The following ARPP21 variants were observed in gnomAD, a reference collection of about 807,000 sequenced individuals.
The protein encoded by ARPP21 is cAMP-regulated phosphoprotein 21.
ARPP21 carries 69 observed loss-of-function variants against 113.2 expected under a neutral mutation model. The ratio of observed to expected loss-of-function variants is 0.61; its 90% CI spans 0.50 to 0.74. ARPP21 has a LOEUF of 0.74. ARPP21 is among the 30% of genes least tolerant of loss of function. ARPP21 has a pLI of 0.00. For missense variants in ARPP21, 1,070 were observed against 1,037.4 expected (o/e 1.03, Z -0.43); for synonymous variants, 368 against 375.5 (o/e 0.98, Z 0.23).
chr3:35,771,382 G>A (rs933143575), intron 19 of ARPP21, among the ~76,000 whole-genome samples: 4 of 151,846 alleles, frequency 2.6e-5, no homozygotes, highest in Non-Finnish European at 4.4e-5. Flanking sequence ...AGGCTGGAGT[G>A]CAGTGGCATG....
chr3:35,758,539 G>T (rs1378140447), intron 19 of ARPP21, among the ~76,000 whole-genome samples: 7 of 151,630 alleles, frequency 4.6e-5, no homozygotes, highest in Non-Finnish European at 8.8e-5. Flanking sequence ...CTCTGAATAT[G>T]CTACACAAAG....
At chr3:35,644,094 A>G (rs1305013739) in intron 1 of ARPP21, among the ~76,000 whole-genome samples, 1 of 151,928 alleles carries the variant, frequency 6.6e-6, no homozygotes, top group Non-Finnish European at 1.5e-5. Context: ...ATGATAAATG[A>G]ATTTCAAGCA....
intron 19 of ARPP21, among the ~76,000 whole-genome samples, chr3:35,760,696 C>T (rs1454623677): frequency 6.6e-6 from 1 of 152,046 alleles, no homozygotes; most frequent in East Asian, 1.9e-4. Flanking sequence ...AATTAAGCAG[C>T]CCATCATGGC....
intron 18 of ARPP21, 131 bp downstream of exon 18, chr3:35,739,708 A>C: frequency 2.4e-6 from 3 of 1,225,052 alleles, no homozygotes; most frequent in Non-Finnish European, 2.2e-6. Flanking sequence ...TTCCTCACCA[A>C]CAGGAAGTAG....
intron 5 of ARPP21, among the ~76,000 whole-genome samples, chr3:35,687,469 G>T (rs1477503277): frequency 6.6e-6 from 1 of 150,782 alleles, no homozygotes; most frequent in Non-Finnish European, 1.5e-5. Flanking sequence ...AATAAGTATT[G>T]TGATCTACAG....
intron 1 of ARPP21, among the ~76,000 whole-genome samples, chr3:35,667,839 TCAA>T (rs199541286): frequency 0.21 from 10,010 of 48,244 alleles, 1,022 homozygotes; most frequent in East Asian, 0.46. Context: ...ACTTTTATTC[TCAA>T]AGAAGAAGAA....
chr3:35,735,595 A>G (rs2094300383), intron 15 of ARPP21, among the ~76,000 whole-genome samples: 1 of 152,218 alleles, frequency 6.6e-6, no homozygotes, highest in South Asian at 2.1e-4. Flanking sequence ...ATGCTTTAGA[A>G]CATGTGCTAG....
At chr3:35,685,842 G>T (rs982437736) in intron 5 of ARPP21, 2 of 767,282 alleles carry the variant, frequency 2.6e-6, no homozygotes, top group Non-Finnish European at 3.2e-6. Context: ...TTATTATTGA[G>T]CATATCAATA....
intron 19 of ARPP21, among the ~76,000 whole-genome samples, chr3:35,746,177 C>T (rs780348154): frequency 6.6e-6 from 1 of 152,194 alleles, no homozygotes; most frequent in Non-Finnish European, 1.5e-5. Flanking sequence ...AAAATCCCAA[C>T]ACAGTTTCCA....
intron 19 of ARPP21, among the ~76,000 whole-genome samples, chr3:35,776,962 C>G (rs1411017935): frequency 6.6e-6 from 1 of 152,098 alleles, no homozygotes; most frequent in African/African-American, 2.4e-5. Context: ...ACTTTTGCTA[C>G]TAGGGATTAA....
chr3:35,788,350 T>C (rs1178584044), intron 19 of ARPP21, among the ~76,000 whole-genome samples: 1 of 152,224 alleles, frequency 6.6e-6, no homozygotes, highest in Non-Finnish European at 1.5e-5. Context: ...ATTCGTATCT[T>C]GTCTTCAAGA....
chr3:35,670,671 C>T (rs1027234219), intron 1 of ARPP21, among the ~76,000 whole-genome samples: 2 of 152,024 alleles, frequency 1.3e-5, no homozygotes, highest in African/African-American at 2.4e-5. Flanking sequence ...CAAACACACG[C>T]CAATTCAGAT....
At chr3:35,735,636 T>A (rs2150642653) in intron 15 of ARPP21, among the ~76,000 whole-genome samples, 1 of 152,294 alleles carries the variant, frequency 6.6e-6, no homozygotes, top group African/African-American at 2.4e-5. Flanking sequence ...CTCCACCATC[T>A]CCCTTATGCC....
chr3:35,787,487 A>C (rs2096657033), intron 19 of ARPP21, among the ~76,000 whole-genome samples: 1 of 152,184 alleles, frequency 6.6e-6, no homozygotes, highest in South Asian at 2.1e-4. Context: ...GAAGTAAATG[A>C]AGGGACAAGA....
chr3:35,754,691 G>C (rs1415878729), intron 19 of ARPP21, among the ~76,000 whole-genome samples: 1 of 151,896 alleles, frequency 6.6e-6, no homozygotes, highest in Non-Finnish European at 1.5e-5. Flanking sequence ...AAACGGTATA[G>C]ATGGCCAGGT....
chr3:35,666,326 C>G (rs17280180), intron 1 of ARPP21, among the ~76,000 whole-genome samples: 49,267 of 151,926 alleles, frequency 0.32, 8,932 homozygotes, highest in East Asian at 0.49. Context: ...AGTGGCTCCA[C>G]ACAAAAATAT....
chr3:35,766,723 A>G (rs2095992790), intron 19 of ARPP21, among the ~76,000 whole-genome samples: 1 of 152,188 alleles, frequency 6.6e-6, no homozygotes, highest in African/African-American at 2.4e-5. Context: ...ACAATAAGTT[A>G]TCATTTTACC....
At chr3:35,739,234 T>C in intron 17 of ARPP21, 83 bp from the exon 18 acceptor site, 2 of 1,480,682 alleles carry the variant, frequency 1.4e-6, no homozygotes, top group Non-Finnish European at 9.2e-7. Flanking sequence ...ACTCCAAGAA[T>C]GTGTCCTGTG....
rs755648758 is a variant in ARPP21 at position 35,792,534 on chromosome 3, C to T, written c.2286+4C>T. 3 of 1,613,782 alleles carry T rather than the reference C, an allele frequency of 1.9e-6. No homozygotes were observed. Among genetic ancestry groups the T allele is most frequent in the South Asian group, 1.1e-5 (1 of 91,076 alleles). On this transcript the variant is annotated splice_donor_region_variant and intron_variant, in intron 20 of 20. Transcript: ENST00000684406. Reference sequence around the variant, plus strand: ...CCCAACAATGTCTTCTTATCAGGTGCTCATAAGCAGCTTGGAAAATTGTGG... The same window carrying T: ...CCCAACAATGTCTTCTTATCAGGTGTTCATAAGCAGCTTGGAAAATTGTGG...
Sources: gnomAD v4.1 joint callset for allele counts (sites outside exome capture counted in the v4.1 genomes callset) on GRCh38, gnomAD v4.1.1 for gene constraint, MANE v1.5 for transcripts, NCBI Gene and HGNC (gene_info 2026-07-23, HGNC 2026-07-21) for gene names.